The following NTRK2 variants were observed in gnomAD, a reference collection of about 807,000 sequenced individuals.
NTRK2 encodes BDNF/NT-3 growth factors receptor.
Under a neutral mutation model 94.5 loss-of-function variants are expected in NTRK2, and 13 were observed. That is an observed-to-expected ratio of 0.14 (90% CI 0.09 to 0.22). The LOEUF (loss-of-function observed/expected upper bound fraction) is 0.22. NTRK2 is among the 10% of genes least tolerant of loss of function. NTRK2 has a pLI of 1.00. For missense variants in NTRK2, 639 were observed against 1,071.2 expected (o/e 0.60, Z 5.63); for synonymous variants, 372 against 407.4 (o/e 0.91, Z 1.05).
intron 14 of NTRK2, among the ~76,000 whole-genome samples, chr9:84,932,333 A>G (rs1322152207): frequency 6.6e-6 from 1 of 152,150 alleles, no homozygotes; most frequent in African/African-American, 2.4e-5. Context: ...GTACTGTATA[A>G]CTCCATTTAA....
At chr9:84,752,461 C>G (rs1027759552) in intron 12 of NTRK2, among the ~76,000 whole-genome samples, 1 of 152,238 alleles carries the variant, frequency 6.6e-6, no homozygotes, top group Non-Finnish European at 1.5e-5. Flanking sequence ...TGCTGCTGTA[C>G]ATTTGATTCC....
chr9:84,712,471 G>A (rs2061474280), intron 6 of NTRK2, among the ~76,000 whole-genome samples: 2 of 152,056 alleles, frequency 1.3e-5, no homozygotes, highest in African/African-American at 4.8e-5. Flanking sequence ...TGAGGGCATG[G>A]GCTCAATTGA....
intron 12 of NTRK2, among the ~76,000 whole-genome samples, chr9:84,821,333 A>G (rs2072810864): frequency 1.1e-5 from 1 of 87,638 alleles, no homozygotes. Context: ...ACACACACAC[A>G]CACACACACA....
chr9:85,023,780 C>G lies in NTRK2; in HGVS notation c.*2343C>G. On this transcript the variant is annotated 3_prime_UTR_variant, in exon 19 of 19. Transcript: ENST00000277120. Reference sequence around the variant, plus strand: ...ATTTGTACAAAAACTTTTCTAGATTCCATCAGCAAAAACCAACACAGGTTT... The same window carrying G: ...ATTTGTACAAAAACTTTTCTAGATTGCATCAGCAAAAACCAACACAGGTTT... 1 of 230,598 alleles carries G rather than the reference C, an allele frequency of 4.3e-6. No homozygotes were observed. Among genetic ancestry groups the G allele is most frequent in the East Asian group, 6.2e-5 (1 of 16,238 alleles). The allele number at this position is 230,598 out of a possible 1,614,324, so 14.3% of individuals were successfully genotyped here.
intron 6 of NTRK2, among the ~76,000 whole-genome samples, chr9:84,711,304 G>A (rs986409509): frequency 1.1e-4 from 17 of 152,164 alleles, no homozygotes; most frequent in African/African-American, 3.4e-4. Flanking sequence ...GCCATGCCAC[G>A]TGCTTCTCCC....
At chr9:84,955,703 T>C (rs1464114955) in intron 17 of NTRK2, 186 bp downstream of exon 17, 5 of 685,354 alleles carry the variant, frequency 7.3e-6, no homozygotes, top group Non-Finnish European at 1.3e-5. Flanking sequence ...TGGTTCCTCC[T>C]GAGGCCTCGC....
rs552181244 is a variant in NTRK2 at position 84,968,342 on chromosome 9, C to A, written c.2172+12825C>A. ...CGCCTGGTGTATTCTCAGAGCTCTG[C>A]CCTTTGTAATCATAAAAGATCCATC... On this transcript the variant is annotated intron_variant, in intron 17 of 18. Coordinates refer to ENST00000277120, the MANE Select transcript of NTRK2 (RefSeq NM_006180.6). 5.3e-4 allele frequency among the ~76,000 whole-genome samples: 81 copies of A among 152,250 alleles called. 1 individual carries two copies. The highest frequency in any genetic ancestry group is 1.9e-3 in the African/African-American group (77 of 41,538).
intron 5 of NTRK2, among the ~76,000 whole-genome samples, chr9:84,709,231 G>C (rs1181177186): frequency 6.6e-6 from 1 of 152,206 alleles, no homozygotes; most frequent in African/African-American, 2.4e-5. Flanking sequence ...TAGTAAGCTG[G>C]AGAAAGAAGC....
At chr9:84,824,259 G>A (rs2073041255) in intron 12 of NTRK2, among the ~76,000 whole-genome samples, 1 of 152,224 alleles carries the variant, frequency 6.6e-6, no homozygotes, top group South Asian at 2.1e-4. Flanking sequence ...CACAATGGCA[G>A]TAACAGTGGT....
intron 12 of NTRK2, among the ~76,000 whole-genome samples, chr9:84,851,003 C>A (rs955060736): frequency 6.6e-6 from 1 of 152,138 alleles, no homozygotes; most frequent in African/African-American, 2.4e-5. Flanking sequence ...TGGTCAATAC[C>A]TAGGTCAGGG....
intron 14 of NTRK2, chr9:84,875,701 C>T: frequency 9.5e-7 from 1 of 1,053,986 alleles, no homozygotes; most frequent in Non-Finnish European, 1.1e-6. Context: ...TTTGGTCACT[C>T]CCAGCTTTGC....
chr9:84,841,158 C>A (rs2074160472), intron 12 of NTRK2, among the ~76,000 whole-genome samples: 1 of 152,186 alleles, frequency 6.6e-6, no homozygotes, highest in African/African-American at 2.4e-5. Flanking sequence ...TGGCATTGCC[C>A]ACCTCTCGTT....
At chr9:84,751,947 A>G in intron 11 of NTRK2, 39 bp from the exon 12 acceptor site, 5 of 1,508,998 alleles carry the variant, frequency 3.3e-6, no homozygotes, top group Non-Finnish European at 4.6e-6. Flanking sequence ...TAGGGAACTA[A>G]TTAGCAAGGT....
intron 14 of NTRK2, among the ~76,000 whole-genome samples, chr9:84,892,289 G>C (rs578115522): frequency 6.6e-6 from 1 of 152,272 alleles, no homozygotes; most frequent in East Asian, 1.9e-4. Flanking sequence ...CAGAAAATAT[G>C]CACTGCCCTG....
At chr9:84,855,512 G>C (rs146854681) in intron 12 of NTRK2, among the ~76,000 whole-genome samples, 1 of 151,786 alleles carries the variant, frequency 6.6e-6, no homozygotes, top group Non-Finnish European at 1.5e-5. Context: ...AATGTGCACC[G>C]ACACACAATT....
intron 9 of NTRK2, among the ~76,000 whole-genome samples, chr9:84,741,667 T>C (rs996315984): frequency 1.3e-5 from 2 of 152,204 alleles, no homozygotes; most frequent in Non-Finnish European, 2.9e-5. Context: ...TTTTTTGTGA[T>C]TTGTTTTCTT....
intron 12 of NTRK2, among the ~76,000 whole-genome samples, chr9:84,858,307 A>G (rs548816909): frequency 6.6e-6 from 1 of 152,010 alleles, no homozygotes; most frequent in East Asian, 1.9e-4. Flanking sequence ...AATCTTTACA[A>G]TGTTACTTCC....
In NTRK2 at chr9:84,723,596, G is replaced by A. The variant is rs117250170; in HGVS notation, c.607G>A (p.Ala203Thr). Reference protein sequence around the residue: ...NCGLPSANLAAPNLTVEEGKS... With the variant: ...NCGLPSANLATPNLTVEEGKS... ...AGGTTTGCCATCTGCAAATCTGGCC[G>A]CACCTAACCTCACTGTGGAGGAAGG... is the stretch of plus-strand genomic sequence containing the variant. Residue 203 changes from alanine to threonine, a missense_variant, in exon 7 of 19, where the codon GCA becomes ACA. By Grantham distance (58) the Ala-to-Thr change is moderately conservative (BLOSUM62 0). Transcript: ENST00000277120. 1,213 of 1,613,998 alleles carry A rather than the reference G, an allele frequency of 7.5e-4. No individual in the cohort carries two copies. The highest frequency in any genetic ancestry group is 9.5e-4 in the Non-Finnish European group (1,116 of 1,179,948).
intron 2 of NTRK2, among the ~76,000 whole-genome samples, chr9:84,694,802 ATCTG>A (rs2060260812): frequency 6.6e-6 from 1 of 152,098 alleles, no homozygotes; most frequent in Admixed American, 6.6e-5. Flanking sequence ...TCTATCTATC[ATCTG>A]TCTATCTAGA....
Sources: gnomAD v4.1 joint callset for allele counts (sites outside exome capture counted in the v4.1 genomes callset) on GRCh38, gnomAD v4.1.1 for gene constraint, MANE v1.5 for transcripts, NCBI Gene and HGNC (gene_info 2026-07-23, HGNC 2026-07-21) for gene names.